Variants in DTX4 observed in about 807,000 individuals in gnomAD.
The protein encoded by DTX4 is deltex E3 ubiquitin ligase 4.
In DTX4, 28 loss-of-function variants were observed where a neutral mutation model predicts 57.6. The ratio of observed to expected loss-of-function variants is 0.49; its 90% CI spans 0.36 to 0.67. The LOEUF (loss-of-function observed/expected upper bound fraction) is 0.67, where lower values mean the gene tolerates loss of function less well. DTX4 is among the 30% of genes least tolerant of loss of function. DTX4 has a pLI of 0.00. For missense variants in DTX4, 715 were observed against 836.8 expected (o/e 0.85, Z 1.80); for synonymous variants, 316 against 331.0 (o/e 0.95, Z 0.49).
intron 1 of DTX4, among the ~76,000 whole-genome samples, chr11:59,173,506 G>C (rs1310837716): frequency 6.6e-6 from 1 of 152,236 alleles, no homozygotes; most frequent in Non-Finnish European, 1.5e-5. Context: ...CAGATGGAGA[G>C]AGGAGGGGGA....
chr11:59,199,620 T>C (rs1862716038), intron 7 of DTX4, 64 bp from the exon 8 acceptor site: 2 of 1,277,756 alleles, frequency 1.6e-6, no homozygotes, highest in Non-Finnish European at 2.2e-6. Flanking sequence ...AGTCACAGCC[T>C]AACCCCGCTC....
intron 7 of DTX4, among the ~76,000 whole-genome samples, 163 bp from the exon 8 acceptor site, chr11:59,199,521 C>T (rs1435864082): frequency 6.6e-6 from 1 of 152,208 alleles, no homozygotes; most frequent in Non-Finnish European, 1.5e-5. Context: ...GACACAGAAA[C>T]ACGTGCTAAA....
chr11:59,208,329 T>C lies in DTX4; in HGVS notation c.*3420T>C, dbSNP rs564523688. 5 of 145,342 alleles carry C rather than the reference T, an allele frequency of 3.4e-5. No homozygotes were observed. The highest frequency in any genetic ancestry group is 2.0e-4 in the East Asian group (1 of 4,928). The allele number at this position is 145,342 out of a possible 1,614,324, so 9.0% of individuals were successfully genotyped here. ...CACTTAAAAACAAATTTTCCACATA[T>C]TACCCACCCACACATTTGACCTGGC... On this transcript the variant is annotated 3_prime_UTR_variant, in exon 9 of 9. Transcript: ENST00000227451.
intron 7 of DTX4, among the ~76,000 whole-genome samples, chr11:59,196,708 C>A (rs1467687114): frequency 6.6e-6 from 1 of 152,124 alleles, no homozygotes; most frequent in Non-Finnish European, 1.5e-5. Flanking sequence ...CTATTGTGAA[C>A]TGTGCATGTG....
chr11:59,188,942 A>G, intron 3 of DTX4, 146 bp downstream of exon 3: 2 of 926,710 alleles, frequency 2.2e-6, no homozygotes. Context: ...GAAGGGTATG[A>G]AGAGTTTGGA....
rs1482484593 is a variant in DTX4, at chr11:59,192,062, C to T, written c.1222-36C>T. 1.8e-5 allele frequency: 28 copies of T among 1,596,590 alleles called. 1 individual carries two copies. In the South Asian group the frequency reaches 3.0e-4, roughly 17 times the overall value. ...GGAAATCTCCCAGGCTGAGTGAGAG[C>T]TGACAGCCTCTCTGCTGTGTCTCCT... On this transcript the variant is annotated intron_variant, in intron 5 of 8. Transcript: ENST00000227451.
chr11:59,195,277 A>G lies in DTX4; in HGVS notation c.1444A>G (p.Lys482Glu). ...GVKTGTQPPG[K>E]MEYHLIPHSL... ...GAAGACAGGCACCCAACCTCCAGGG[A>G]AGATGGAGTACCACCTCATCCCCCA... Residue 482 changes from lysine to glutamate, a missense_variant, in exon 7 of 9, where the codon AAG becomes GAG. Coordinates refer to ENST00000227451, the MANE Select transcript of DTX4 (RefSeq NM_015177.2). 1.2e-6 allele frequency: 2 copies of G among 1,613,934 alleles called. No individual in the cohort carries two copies. The highest frequency in any genetic ancestry group is 1.7e-6 in the Non-Finnish European group (2 of 1,179,840).
At chr11:59,186,187 A>C (rs1015063759) in intron 2 of DTX4, among the ~76,000 whole-genome samples, 2 of 151,948 alleles carry the variant, frequency 1.3e-5, no homozygotes, top group Non-Finnish European at 2.9e-5. Flanking sequence ...TTGAACCCAT[A>C]GTCTTCTTGT....
chr11:59,194,093 A>G (rs1366569877), intron 6 of DTX4, among the ~76,000 whole-genome samples: 1 of 152,192 alleles, frequency 6.6e-6, no homozygotes, highest in African/African-American at 2.4e-5. Flanking sequence ...CCCTGCATCC[A>G]GAACTGCCTC....
At chr11:59,186,257 C>A (rs919655298) in intron 2 of DTX4, among the ~76,000 whole-genome samples, 32 of 152,134 alleles carry the variant, frequency 2.1e-4, no homozygotes, top group Non-Finnish European at 4.3e-4. Flanking sequence ...CCCCTGAGTT[C>A]TTGAGCTGCC....
chr11:59,178,803 A>T (rs749307913), intron 1 of DTX4, among the ~76,000 whole-genome samples: 5 of 152,204 alleles, frequency 3.3e-5, no homozygotes, highest in Admixed American at 1.3e-4. Flanking sequence ...GGAGAATTTC[A>T]ATAGGTAAAA....
chr11:59,185,277 G>A (rs914815103), intron 2 of DTX4: 1 of 152,136 alleles, frequency 6.6e-6, no homozygotes, highest in African/African-American at 2.4e-5. Flanking sequence ...TCCTGGACTG[G>A]TGCATAACTC....
chr11:59,172,252 G>C lies in DTX4; in HGVS notation c.-344G>C, dbSNP rs987520914. On this transcript the variant is annotated 5_prime_UTR_variant, in exon 1 of 9. Coordinates refer to ENST00000227451, the MANE Select transcript of DTX4 (RefSeq NM_015177.2). ...CCCCAGCTCGCGGCCGCCGGGGCTC[G>C]GGCCGCGCGCCCGCCGAGTGGCTTT... Among the ~76,000 whole-genome samples, 4 of 152,040 alleles carry C rather than the reference G, an allele frequency of 2.6e-5. No individual in the cohort carries two copies. Among genetic ancestry groups the C allele is most frequent in the Admixed American group, 6.5e-5 (1 of 15,278 alleles).
chr11:59,172,817 C>T lies in DTX4; in HGVS notation c.211+11C>T. Reference sequence around the variant, plus strand: ...TCCGCCAAGACACGGGTGAGCCAGCCGCCCCTGACCCCGCCCCGCCTGCTC... The same window carrying T: ...TCCGCCAAGACACGGGTGAGCCAGCTGCCCCTGACCCCGCCCCGCCTGCTC... On this transcript the variant is annotated intron_variant, in intron 1 of 8. Coordinates refer to ENST00000227451, the MANE Select transcript of DTX4 (RefSeq NM_015177.2). 2 of 1,524,028 alleles carry T rather than the reference C, an allele frequency of 1.3e-6. No homozygotes were observed. The highest frequency in any genetic ancestry group is 1.9e-5 in the Admixed American group (1 of 51,434). The allele number at this position is 1,524,028 out of a possible 1,614,324, so 94.4% of individuals were successfully genotyped here.
intron 7 of DTX4, among the ~76,000 whole-genome samples, chr11:59,196,327 T>G (rs750692021): frequency 1.3e-5 from 2 of 152,192 alleles, no homozygotes; most frequent in Non-Finnish European, 2.9e-5. Flanking sequence ...TACCTCCAGA[T>G]AGTGATCATC....
At chr11:59,180,027 C>T (rs1374027154) in intron 1 of DTX4, among the ~76,000 whole-genome samples, 1 of 152,100 alleles carries the variant, frequency 6.6e-6, no homozygotes, top group Non-Finnish European at 1.5e-5. Flanking sequence ...AAAATAATCA[C>T]CAATTTTCAT....
intron 7 of DTX4, 83 bp downstream of exon 7, chr11:59,195,452 G>T (rs1292089109): frequency 2.1e-6 from 3 of 1,453,912 alleles, no homozygotes; most frequent in Middle Eastern, 1.8e-4. Context: ...AGTTACATAT[G>T]AAGAGTCTCC....
At chr11:59,173,773 C>T (rs920307055) in intron 1 of DTX4, among the ~76,000 whole-genome samples, 2 of 151,770 alleles carry the variant, frequency 1.3e-5, no homozygotes, top group African/African-American at 4.8e-5. Context: ...AGGATGGGGC[C>T]TTGGGGGGTG....
At position 59,172,588 on chromosome 11, in the gene DTX4, G is replaced by A. The variant is rs1862340541; in HGVS notation, c.-8G>A. ...CGGGCCGCGCAGCGCCGCAGCCCCG[G>A]GCTCGCCATGCTCCTGGCCTCGGCC... On this transcript the variant is annotated 5_prime_UTR_variant, in exon 1 of 9. Coordinates refer to ENST00000227451, the MANE Select transcript of DTX4 (RefSeq NM_015177.2). 2 of 1,455,954 alleles carry A rather than the reference G, an allele frequency of 1.4e-6. No individual in the cohort carries two copies. Among genetic ancestry groups the A allele is most frequent in the Admixed American group, 2.6e-5 (1 of 38,810 alleles). 90.2% of individuals were successfully genotyped at this position (1,455,954 alleles called of 1,614,324 possible). A position where few individuals can be genotyped will look rare whatever the true frequency, so the allele number is the denominator to read the frequency against.
Sources: gnomAD v4.1 joint callset for allele counts (sites outside exome capture counted in the v4.1 genomes callset) on GRCh38, gnomAD v4.1.1 for gene constraint, MANE v1.5 for transcripts, NCBI Gene and HGNC (gene_info 2026-07-23, HGNC 2026-07-21) for gene names.